SESN3: variants seen among roughly 807,000 people sequenced by gnomAD.
SESN3 encodes sestrin-3.
In SESN3, 21 loss-of-function variants were observed where a neutral mutation model predicts 55.3. The observed-to-expected ratio is 0.38, with a 90% CI of 0.27 to 0.55. The LOEUF (loss-of-function observed/expected upper bound fraction) is 0.55, where lower values mean the gene tolerates loss of function less well. SESN3 is among the 20% of genes least tolerant of loss of function. The pLI is 0.76. For missense variants in SESN3, 408 were observed against 604.3 expected, an observed-to-expected ratio of 0.68 and a Z score of 3.41; for synonymous variants, 181 against 203.1, an observed-to-expected ratio of 0.89 and a Z score of 0.93.
At chr11:95,231,409 G>A (rs1236359734), upstream of SESN3, 6 of 344,828 alleles carry the variant, frequency 1.7e-5, no homozygotes, top group East Asian at 2.2e-4. Flanking sequence ...TCCGAGGCTC[G>A]GAACTGAAGG....
intron 1 of SESN3, among the ~76,000 whole-genome samples, chr11:95,206,154 G>A (rs888917009): frequency 6.6e-6 from 1 of 151,786 alleles, no homozygotes; most frequent in African/African-American, 2.4e-5. Flanking sequence ...CATAAAAGTG[G>A]TTTATCTTCT....
intron 1 of SESN3, among the ~76,000 whole-genome samples, chr11:95,195,280 T>C (rs1189397808): frequency 2.0e-5 from 3 of 152,188 alleles, no homozygotes; most frequent in Non-Finnish European, 4.4e-5. Context: ...CTTTAAATAT[T>C]TTCTGGAACA....
intron 1 of SESN3, chr11:95,204,827 A>G (rs1860519013): frequency 2.0e-5 from 3 of 152,216 alleles, no homozygotes; most frequent in Admixed American, 2.0e-4. Context: ...GACTAAGACA[A>G]GCTCATTTTC....
chr11:95,224,441 C>A, intron 1 of SESN3: 1 of 437,344 alleles, frequency 2.3e-6, no homozygotes, highest in Non-Finnish European at 4.5e-6. Context: ...ATGGTCAGAT[C>A]CAAAGATTAC....
intron 1 of SESN3, among the ~76,000 whole-genome samples, chr11:95,221,574 A>G (rs540456230): frequency 2.6e-4 from 39 of 152,370 alleles, no homozygotes; most frequent in African/African-American, 9.1e-4. Flanking sequence ...AAGTCTTACT[A>G]AAATACATAT....
intron 1 of SESN3, among the ~76,000 whole-genome samples, chr11:95,207,196 T>C (rs1388205922): frequency 6.9e-6 from 1 of 144,500 alleles, no homozygotes; most frequent in East Asian, 1.9e-4. Flanking sequence ...CCAATCAGTA[T>C]GTACCAATTA....
intron 1 of SESN3, among the ~76,000 whole-genome samples, chr11:95,217,207 CAAGAT>C (rs1408570881): frequency 6.6e-6 from 1 of 151,914 alleles, no homozygotes; most frequent in Non-Finnish European, 1.5e-5. Context: ...TGATACTTCA[CAAGAT>C]AAAAGACAGA....
rs1038778169 is a variant in SESN3, at chr11:95,172,251, G to C, written c.*1004C>G. ...TGTCTAACCTATTATAAGAACAAAA[G>C]TCATGGAAAATAATTTCTAAAAGCC... On this transcript the variant is annotated 3_prime_UTR_variant, in exon 10 of 10. Coordinates refer to ENST00000536441, the MANE Select transcript of SESN3 (RefSeq NM_144665.4). The C allele has an allele frequency of 6.6e-6, 1 of 152,050 alleles. No homozygotes were observed. The highest frequency in any genetic ancestry group is 2.4e-5 in the African/African-American group (1 of 41,410). 9.4% of individuals were successfully genotyped at this position (152,050 alleles called of 1,614,324 possible).
rs1411420687 is a variant in SESN3, at chr11:95,217,628, G to A, written c.78+13155C>T. On this transcript the variant is annotated intron_variant, in intron 1 of 9. Transcript: ENST00000536441. Reference sequence around the variant, plus strand: ...GATGGTGTTGCTGCACTCCAGCCTGGGCGACAAGAGCCAGACTCCGTTTAA... The same window carrying A: ...GATGGTGTTGCTGCACTCCAGCCTGAGCGACAAGAGCCAGACTCCGTTTAA... Among the ~76,000 whole-genome samples, 4 of 149,084 alleles carry A rather than the reference G, an allele frequency of 2.7e-5. No individual in the cohort carries two copies. In the Admixed American group the frequency reaches 2.7e-4, roughly 10 times the overall value.
rs1455319596 is a variant in SESN3, at chr11:95,169,804, G to T, written c.*3451C>A. On this transcript the variant is annotated 3_prime_UTR_variant, in exon 10 of 10. Coordinates refer to ENST00000536441, the MANE Select transcript of SESN3 (RefSeq NM_144665.4). ...AAAAAAAACTTTATAAGGGGGAAAAGGAAAAAGTTGCTCTGGAATAATAAT... is the reference window on the plus strand; with the variant it reads ...AAAAAAAACTTTATAAGGGGGAAAATGAAAAAGTTGCTCTGGAATAATAAT... 6.6e-6 allele frequency: 1 copy of T among 151,986 alleles called. No individual in the cohort carries two copies. The allele number at this position is 151,986 out of a possible 1,614,324, so 9.4% of individuals were successfully genotyped here. A position where few individuals can be genotyped will look rare whatever the true frequency, so the allele number is the denominator to read the frequency against.
intron 2 of SESN3, among the ~76,000 whole-genome samples, chr11:95,192,074 AC>A (rs1198349189): frequency 1.3e-5 from 2 of 152,066 alleles, no homozygotes; most frequent in Non-Finnish European, 2.9e-5. Flanking sequence ...CATAAAAAAA[AC>A]TTTCTGAAGT....
intron 1 of SESN3, among the ~76,000 whole-genome samples, chr11:95,220,983 A>G (rs993691455): frequency 6.6e-6 from 1 of 152,194 alleles, no homozygotes; most frequent in African/African-American, 2.4e-5. Flanking sequence ...TATTGTCATT[A>G]TAGATATTAT....
chr11:95,182,096 T>C, intron 6 of SESN3: 1 of 295,314 alleles, frequency 3.4e-6, no homozygotes, highest in Non-Finnish European at 6.6e-6. Context: ...AATTCACTTT[T>C]GAAGGCTGTA....
At chr11:95,215,688 G>A (rs558920657) in intron 1 of SESN3, among the ~76,000 whole-genome samples, 1 of 152,194 alleles carries the variant, frequency 6.6e-6, no homozygotes, top group Non-Finnish European at 1.5e-5. Flanking sequence ...GTATTTGAAT[G>A]TGAATTTTTC....
intron 1 of SESN3, among the ~76,000 whole-genome samples, chr11:95,216,759 TAAAAA>T (rs201859631): frequency 7.1e-6 from 1 of 140,956 alleles, no homozygotes; most frequent in Non-Finnish European, 1.6e-5. Context: ...GGAGGCAAGA[TAAAAA>T]AAAAAAACCA....
chr11:95,190,620 C>T (rs1196825425), intron 3 of SESN3, among the ~76,000 whole-genome samples: 1 of 151,978 alleles, frequency 6.6e-6, no homozygotes, highest in Non-Finnish European at 1.5e-5. Context: ...GCTAAAATTA[C>T]AGCCTCAGTG....
At chr11:95,212,903 C>T (rs1446396383) in intron 1 of SESN3, among the ~76,000 whole-genome samples, 1 of 152,144 alleles carries the variant, frequency 6.6e-6, no homozygotes, top group African/African-American at 2.4e-5. Flanking sequence ...TTTGCCATCT[C>T]ATTTGAATCT....
chr11:95,173,378 T>A, intron 9 of SESN3, 37 bp from the exon 10 acceptor site: 1 of 1,350,302 alleles, frequency 7.4e-7, no homozygotes. Flanking sequence ...GTAACCATTA[T>A]AAACACCTGG....
chr11:95,213,395 A>C (rs532256669), intron 1 of SESN3, among the ~76,000 whole-genome samples: 1 of 152,210 alleles, frequency 6.6e-6, no homozygotes, highest in Non-Finnish European at 1.5e-5. Flanking sequence ...CAACTTTACA[A>C]AGGAAAAAGA....
Sources: allele counts gnomAD v4.1 joint callset (sites outside exome capture counted in the v4.1 genomes callset), GRCh38; gene constraint gnomAD v4.1.1; transcripts MANE v1.5; gene names NCBI Gene and HGNC (gene_info 2026-07-23, HGNC 2026-07-21).